Variants in SMPD3 observed in about 807,000 individuals in gnomAD.
SMPD3 encodes sphingomyelin phosphodiesterase 3.
In SMPD3, 21 loss-of-function variants were observed where a neutral mutation model predicts 55.7. That is an observed-to-expected ratio of 0.38 (90% CI 0.27 to 0.54). The LOEUF (loss-of-function observed/expected upper bound fraction) is 0.54, where lower values mean the gene tolerates loss of function less well. SMPD3 is among the 20% of genes least tolerant of loss of function. The pLI, the probability that SMPD3 is intolerant of heterozygous loss-of-function variation, is 0.80. For synonymous variants in SMPD3, 457 were observed against 404.3 expected (o/e 1.13, Z -1.56); for missense variants, 842 against 899.6 (o/e 0.94, Z 0.82).
intron 2 of SMPD3, among the ~76,000 whole-genome samples, chr16:68,373,825 C>A (rs1014409680): frequency 3.9e-5 from 6 of 152,194 alleles, no homozygotes; most frequent in Non-Finnish European, 7.4e-5. Context: ...GTCAGGCCTG[C>A]GGGTCTCTGC....
chr16:68,406,019 C>T (rs1330800806), intron 1 of SMPD3, among the ~76,000 whole-genome samples: 3 of 152,216 alleles, frequency 2.0e-5, no homozygotes, highest in Admixed American at 2.0e-4. Flanking sequence ...ACCCTTAGCC[C>T]TCCCTGCTTT....
chr16:68,409,274 T>A (rs2090278460), intron 1 of SMPD3, among the ~76,000 whole-genome samples: 1 of 152,130 alleles, frequency 6.6e-6, no homozygotes, highest in Admixed American at 6.5e-5. Context: ...GTGCCTTTCC[T>A]GAGAGGTGAG....
In SMPD3 at chr16:68,379,985, T is replaced by G. The variant is rs182931627; in HGVS notation, c.-207+6613A>C. On this transcript the variant is annotated intron_variant, in intron 2 of 8. Transcript: ENST00000219334. Reference sequence around the variant, plus strand: ...AGCAGGACCCCTGGGTCCAGGCCCTTGTGCCACGGTGACATGGGCAGTTGC... The same window carrying G: ...AGCAGGACCCCTGGGTCCAGGCCCTGGTGCCACGGTGACATGGGCAGTTGC... 7.9e-5 allele frequency among the ~76,000 whole-genome samples: 12 copies of G among 152,360 alleles called. No homozygotes were observed. The East Asian group carries it at 2.3e-3, about 29-fold the overall frequency.
In SMPD3 at chr16:68,364,774, A is replaced by C; in HGVS notation, c.1532T>G (p.Phe511Cys). ...LVAFDVVCGD[F>C]NFDNCSSDDK... ...ACCAGAGGAGCAGTTATCAAAGTTGAAATCTCCACAGACGACGTCAAATGC... is the reference window on the plus strand; with the variant it reads ...ACCAGAGGAGCAGTTATCAAAGTTGCAATCTCCACAGACGACGTCAAATGC... Residue 511 changes from phenylalanine to cysteine, a missense_variant, in exon 5 of 9, where the codon TTC becomes TGC. Physicochemically the swap from Phe to Cys is radical, Grantham distance 205 (BLOSUM62 -2). This residue lies in a region of SMPD3 where 649 missense variants were observed against 643.6 expected (regional missense o/e 1.01). Transcript: ENST00000219334. 1 of 1,613,772 alleles carries C rather than the reference A, an allele frequency of 6.2e-7. No individual in the cohort carries two copies. Among genetic ancestry groups the C allele is most frequent in the Non-Finnish European group, 8.5e-7 (1 of 1,179,936 alleles).
At chr16:68,378,222 C>T (rs2089867396) in intron 2 of SMPD3, among the ~76,000 whole-genome samples, 1 of 152,210 alleles carries the variant, frequency 6.6e-6, no homozygotes. Flanking sequence ...GTGCCTGCAT[C>T]CGCCTGTGGC....
rs1202843934 is a variant in SMPD3, at chr16:68,360,886, CAG to C, written c.*318_*319del. 8 of 325,818 alleles carry C rather than the reference CAG, an allele frequency of 2.5e-5. No homozygotes were observed. The highest frequency in any genetic ancestry group is 4.0e-5 in the Non-Finnish European group (7 of 174,448). 20.2% of individuals were successfully genotyped at this position (325,818 alleles called of 1,614,324 possible). ...CCTGGACGAAGCTTAAGAGGAGATACAGAGAGTACACGAACCCGGTCCTCATA... is the reference window on the plus strand; with the variant it reads ...CCTGGACGAAGCTTAAGAGGAGATACAGAGTACACGAACCCGGTCCTCATA... On this transcript the variant is annotated 3_prime_UTR_variant, in exon 9 of 9. Coordinates refer to ENST00000219334, the MANE Select transcript of SMPD3 (RefSeq NM_018667.4).
intron 1 of SMPD3, among the ~76,000 whole-genome samples, chr16:68,442,935 G>A (rs931890255): frequency 6.6e-6 from 1 of 152,202 alleles, no homozygotes; most frequent in Non-Finnish European, 1.5e-5. Context: ...GCCCCAGCTT[G>A]GAAGGGGAAG....
At chr16:68,402,189 T>C (rs1430819362) in intron 1 of SMPD3, among the ~76,000 whole-genome samples, 1 of 152,164 alleles carries the variant, frequency 6.6e-6, no homozygotes, top group Non-Finnish European at 1.5e-5. Flanking sequence ...TCCATTATAC[T>C]TGTAGTATTC....
rs367858462 is a variant in SMPD3 at position 68,394,454 on chromosome 16, TTTG to T, written c.-268-7798_-268-7796del. Among the ~76,000 whole-genome samples the T allele has an allele frequency of 1.1e-3, 168 of 152,348 alleles. 1 individual carries two copies. Among genetic ancestry groups the T allele is most frequent in the African/African-American group, 3.8e-3 (158 of 41,572 alleles). On this transcript the variant is annotated intron_variant, in intron 1 of 8. Coordinates refer to ENST00000219334, the MANE Select transcript of SMPD3 (RefSeq NM_018667.4). ...TTTTCTGATCTGTTTCTGTCAGTAT[TTTG>T]TTGTTGTTGTCATTTATTTCTTTCA...
intron 7 of SMPD3, among the ~76,000 whole-genome samples, chr16:68,362,632 G>A (rs2089341457): frequency 6.6e-6 from 1 of 152,242 alleles, no homozygotes; most frequent in Non-Finnish European, 1.5e-5. Context: ...CTGGACGGAT[G>A]CAAAAGGGGC....
At chr16:68,388,560 G>A (rs2090082431) in intron 1 of SMPD3, among the ~76,000 whole-genome samples, 1 of 152,088 alleles carries the variant, frequency 6.6e-6, no homozygotes, top group African/African-American at 2.4e-5. Flanking sequence ...ATCCCTGAGT[G>A]AGAAGTTTGT....
chr16:68,405,659 A>C (rs1220569418), intron 1 of SMPD3, among the ~76,000 whole-genome samples: 1 of 152,120 alleles, frequency 6.6e-6, no homozygotes, highest in East Asian at 1.9e-4. Flanking sequence ...TCAGATGAAA[A>C]TAGTGACTTC....
chr16:68,385,168 C>T (rs1157571002), intron 2 of SMPD3, among the ~76,000 whole-genome samples: 1 of 152,206 alleles, frequency 6.6e-6, no homozygotes, highest in African/African-American at 2.4e-5. Flanking sequence ...GCCCCACTTA[C>T]AGATGAGGAG....
At chr16:68,372,424 T>G in intron 2 of SMPD3, 37 bp from the exon 3 acceptor site, 1 of 566,698 alleles carries the variant, frequency 1.8e-6, no homozygotes, top group East Asian at 3.0e-5. Flanking sequence ...TTTTTAGTGA[T>G]CTTCAGGGGA....
At chr16:68,409,229 C>A (rs2090277587) in intron 1 of SMPD3, among the ~76,000 whole-genome samples, 1 of 152,240 alleles carries the variant, frequency 6.6e-6, no homozygotes, top group South Asian at 2.1e-4. Flanking sequence ...TGCTCGAAAC[C>A]TTGCCCGGAG....
chr16:68,420,690 TTGTTC>T (rs1567806717), intron 1 of SMPD3, among the ~76,000 whole-genome samples: 1 of 152,234 alleles, frequency 6.6e-6, no homozygotes, highest in African/African-American at 2.4e-5. Flanking sequence ...GCTGCATCCA[TTGTTC>T]TGTGTGTGGA....
chr16:68,442,997 A>G (rs184478979), intron 1 of SMPD3, among the ~76,000 whole-genome samples: 1 of 152,358 alleles, frequency 6.6e-6, no homozygotes, highest in East Asian at 1.9e-4. Context: ...AATTTTTCTT[A>G]AAAGTCTAAC....
At chr16:68,374,128 G>C (rs778204172) in intron 2 of SMPD3, among the ~76,000 whole-genome samples, 40 of 152,226 alleles carry the variant, frequency 2.6e-4, no homozygotes, top group Non-Finnish European at 5.3e-4. Context: ...GGGCGCCCTA[G>C]AGTCCCAGGC....
chr16:68,406,239 C>T (rs562906186), intron 1 of SMPD3, among the ~76,000 whole-genome samples: 4 of 152,238 alleles, frequency 2.6e-5, no homozygotes, highest in South Asian at 4.1e-4. Flanking sequence ...CAATAAATCA[C>T]GAAGCTACTT....
Sources: allele counts gnomAD v4.1 joint callset (sites outside exome capture counted in the v4.1 genomes callset), GRCh38; gene constraint gnomAD v4.1.1; regional missense constraint gnomAD v4.1.1; transcripts MANE v1.5; gene names NCBI Gene and HGNC (gene_info 2026-07-23, HGNC 2026-07-21).